NRG3: variants seen among roughly 807,000 people sequenced by gnomAD.
NRG3 encodes pro-neuregulin-3, membrane-bound isoform.
In NRG3, 31 loss-of-function variants were observed where a neutral mutation model predicts 66.9. The observed-to-expected ratio is 0.46, with a 90% confidence interval of 0.35 to 0.63. NRG3 has a LOEUF of 0.63. Among genes scored for constraint, NRG3 ranks in the 20% least tolerant of loss-of-function variants. The pLI, the probability that NRG3 is intolerant of heterozygous loss-of-function variation, is 0.00. For missense variants in NRG3, 910 were observed against 878.9 expected (o/e 1.04, Z -0.45); for synonymous variants, 393 against 359.4 (o/e 1.09, Z -1.06).
chr10:82,661,443 T>C (rs1468654822), intron 2 of NRG3, among the ~76,000 whole-genome samples: 1 of 151,238 alleles, frequency 6.6e-6, no homozygotes, highest in Non-Finnish European at 1.5e-5. Context: ...TGATATTAAA[T>C]ACATACACAA....
At chr10:82,237,366 C>A (rs770014355) in intron 1 of NRG3, among the ~76,000 whole-genome samples, 1 of 152,178 alleles carries the variant, frequency 6.6e-6, no homozygotes, top group Non-Finnish European at 1.5e-5. Context: ...TCTATGAATA[C>A]TCCATTCTTT....
chr10:82,030,699 G>GAAAAAAAAAAAA (rs397697434), intron 1 of NRG3, among the ~76,000 whole-genome samples: 1 of 142,454 alleles, frequency 7.0e-6, no homozygotes, highest in Non-Finnish European at 1.5e-5. Flanking sequence ...GTCTAATTTG[G>GAAAAAAAAAAAA]AAAAAAAAAA....
chr10:82,835,003 G>A (rs146958614), intron 3 of NRG3, among the ~76,000 whole-genome samples: 198 of 152,304 alleles, frequency 1.3e-3, no homozygotes, highest in African/African-American at 4.5e-3. Flanking sequence ...ATGTCATTAA[G>A]AAGGATTTGT....
chr10:82,877,669 A>AT (rs1841960976), intron 4 of NRG3, among the ~76,000 whole-genome samples: 1 of 151,550 alleles, frequency 6.6e-6, no homozygotes, highest in Non-Finnish European at 1.5e-5. Flanking sequence ...GATTACAGGC[A>AT]TGAGCCACAG....
At chr10:82,018,488 T>C (rs1440733075) in intron 1 of NRG3, among the ~76,000 whole-genome samples, 3 of 152,206 alleles carry the variant, frequency 2.0e-5, no homozygotes, top group Admixed American at 6.5e-5. Context: ...ATTGGTAGCT[T>C]GATGGGGATG....
intron 2 of NRG3, among the ~76,000 whole-genome samples, chr10:82,616,265 C>T (rs2048642578): frequency 6.6e-6 from 1 of 152,038 alleles, no homozygotes; most frequent in Admixed American, 6.6e-5. Context: ...TTTTTCCATG[C>T]CGAAGGAGGT....
chr10:82,473,719 G>A (rs1157969677), intron 2 of NRG3, among the ~76,000 whole-genome samples: 1 of 152,166 alleles, frequency 6.6e-6, no homozygotes, highest in Non-Finnish European at 1.5e-5. Context: ...GAAGATTGCA[G>A]AGAACTGAGT....
intron 2 of NRG3, among the ~76,000 whole-genome samples, chr10:82,385,423 T>C (rs747964442): frequency 2.0e-5 from 3 of 152,182 alleles, no homozygotes; most frequent in Non-Finnish European, 4.4e-5. Context: ...GGAGGAAAGA[T>C]ATAAAAAATA....
intron 2 of NRG3, among the ~76,000 whole-genome samples, chr10:82,610,216 TA>T (rs1176692548): frequency 1.3e-5 from 2 of 152,314 alleles, no homozygotes; most frequent in African/African-American, 4.8e-5. Flanking sequence ...CCAATTTCAG[TA>T]AAAGCGTAGA....
At chr10:82,086,558 G>A (rs2065735582) in intron 1 of NRG3, among the ~76,000 whole-genome samples, 1 of 152,038 alleles carries the variant, frequency 6.6e-6, no homozygotes, top group African/African-American at 2.4e-5. Flanking sequence ...ATTGATCTGG[G>A]TCTTGAACCA....
At chr10:82,898,715 C>CTTTTTTTTTTT (rs765058089) in intron 4 of NRG3, among the ~76,000 whole-genome samples, 10 of 89,386 alleles carry the variant, frequency 1.1e-4, no homozygotes, top group African/African-American at 3.7e-4. Flanking sequence ...GGAGTTTTAC[C>CTTTTTTTTTTT]TTTTTTTTTT....
At chr10:82,491,874 G>T (rs1279869062) in intron 2 of NRG3, among the ~76,000 whole-genome samples, 2 of 152,154 alleles carry the variant, frequency 1.3e-5, no homozygotes, top group African/African-American at 4.8e-5. Context: ...ATGCCTATCT[G>T]TGCTCTTTCT....
chr10:82,232,434 G>A (rs1436547560), intron 1 of NRG3: 18 of 241,638 alleles, frequency 7.4e-5, no homozygotes, highest in Non-Finnish European at 8.4e-6. Context: ...TTGTCCTTGG[G>A]ATACCCTCCT....
At chr10:82,296,776 G>T (rs1277274325) in intron 1 of NRG3, among the ~76,000 whole-genome samples, 1 of 151,116 alleles carries the variant, frequency 6.6e-6, no homozygotes, top group Admixed American at 6.6e-5. Context: ...ATGAGTGTAT[G>T]TATTTTTTTT....
At chr10:82,460,829 C>G (rs1336433209) in intron 2 of NRG3, among the ~76,000 whole-genome samples, 1 of 152,228 alleles carries the variant, frequency 6.6e-6, no homozygotes, top group African/African-American at 2.4e-5. Context: ...GAAGAGCCCT[C>G]TATCCTCCCA....
At chr10:82,198,436 A>G (rs1398716233) in intron 1 of NRG3, among the ~76,000 whole-genome samples, 11 of 152,194 alleles carry the variant, frequency 7.2e-5, no homozygotes, top group Non-Finnish European at 1.3e-4. Context: ...AATTCTTTAC[A>G]GATAGGTAAC....
intron 1 of NRG3, among the ~76,000 whole-genome samples, chr10:81,962,648 T>C (rs2059563292): frequency 2.0e-5 from 3 of 152,212 alleles, no homozygotes; most frequent in Admixed American, 2.0e-4. Flanking sequence ...TTAGCTTTGC[T>C]CATGAGTTTG....
At chr10:82,479,638 T>C (rs1590278633) in intron 2 of NRG3, among the ~76,000 whole-genome samples, 2 of 113,002 alleles carry the variant, frequency 1.8e-5, no homozygotes, top group South Asian at 2.8e-4. Flanking sequence ...CACTCCAGCA[T>C]GGACAACAAG....
chr10:82,078,547 T>A (rs779640025), intron 1 of NRG3, among the ~76,000 whole-genome samples: 6 of 152,190 alleles, frequency 3.9e-5, no homozygotes, highest in Non-Finnish European at 5.9e-5. Context: ...AGACAGGGTT[T>A]CACCGTGTTA....
Sources: allele counts gnomAD v4.1 joint callset (sites outside exome capture counted in the v4.1 genomes callset), GRCh38; gene constraint gnomAD v4.1.1; transcripts MANE v1.5; gene names NCBI Gene and HGNC (gene_info 2026-07-23, HGNC 2026-07-21).